FRRS1L: variants seen among roughly 807,000 people sequenced by gnomAD.
FRRS1L encodes ferric chelate reductase 1 like, also known as DOMON domain-containing protein FRRS1L.
In FRRS1L, 22 loss-of-function variants were observed where a neutral mutation model predicts 28.6. The ratio of observed to expected loss-of-function variants is 0.77; its 90% CI spans 0.55 to 1.10. FRRS1L has a LOEUF of 1.10. Among genes scored for constraint, FRRS1L ranks in the 50% least tolerant of loss-of-function variants. The pLI is 0.00. For synonymous variants in FRRS1L, 158 were observed against 151.4 expected, an observed-to-expected ratio of 1.04 and a Z score of -0.32; for missense variants, 380 against 386.9, an observed-to-expected ratio of 0.98 and a Z score of 0.15.
intron 2 of FRRS1L, 31 bp from the exon 3 acceptor site, chr9:109,147,220 C>A (rs771212490): frequency 6.3e-7 from 1 of 1,586,022 alleles, no homozygotes; most frequent in Admixed American, 1.7e-5. Flanking sequence ...GACTTTACTG[C>A]TTCTACTTAC....
In FRRS1L at chr9:109,153,867, C is replaced by T. The variant is rs572347251; in HGVS notation, c.239-4147G>A. ...ATATAAAATAAGTTTGGACCATGTGCCAATATTTAAGCTCTTGTCTCTCAG... is the reference window on the plus strand; with the variant it reads ...ATATAAAATAAGTTTGGACCATGTGTCAATATTTAAGCTCTTGTCTCTCAG... On this transcript the variant is annotated intron_variant, in intron 1 of 4. Coordinates refer to ENST00000561981, the MANE Select transcript of FRRS1L (RefSeq NM_014334.4). 6.8e-4 allele frequency among the ~76,000 whole-genome samples: 104 copies of T among 152,246 alleles called. 3 individuals are homozygous for T. In the South Asian group the frequency reaches 0.021, roughly 31 times the overall value.
intron 1 of FRRS1L, among the ~76,000 whole-genome samples, chr9:109,155,612 G>A (rs893845231): frequency 6.7e-6 from 1 of 150,270 alleles, no homozygotes; most frequent in African/African-American, 2.5e-5. Context: ...GCTGAGACAG[G>A]AGAATTGCTT....
chr9:109,140,922 A>G (rs1831176144), intron 4 of FRRS1L: 1 of 174,404 alleles, frequency 5.7e-6, no homozygotes, highest in Non-Finnish European at 1.3e-5. Context: ...TTGAATTTTA[A>G]TTCTTCTACT....
chr9:109,141,265 C>T, intron 4 of FRRS1L, 78 bp downstream of exon 4: 2 of 1,519,726 alleles, frequency 1.3e-6, no homozygotes, highest in Middle Eastern at 1.7e-4. Flanking sequence ...CTTGTGCACA[C>T]AGTGTGACTT....
intron 3 of FRRS1L, among the ~76,000 whole-genome samples, chr9:109,143,967 A>C (rs1344305455): frequency 6.6e-6 from 1 of 152,168 alleles, no homozygotes; most frequent in Non-Finnish European, 1.5e-5. Context: ...ATGACAGTAG[A>C]TACTTTATAG....
At chr9:109,151,536 T>C (rs982565071) in intron 1 of FRRS1L, 18 of 209,478 alleles carry the variant, frequency 8.6e-5, no homozygotes, top group Non-Finnish European at 1.4e-4. Flanking sequence ...GATCTGCCAC[T>C]GTCTCCCATC....
chr9:109,149,573 A>C, intron 2 of FRRS1L, 63 bp downstream of exon 2: 1 of 1,113,014 alleles, frequency 9.0e-7, no homozygotes, highest in East Asian at 2.4e-5. Context: ...TGCAATTTAA[A>C]TACTACCCTG....
In FRRS1L at chr9:109,131,679, A is replaced by G. The variant is rs1298141967; in HGVS notation, c.*5776T>C. ...TGTATCAAATGTATATCACTTTCAT[A>G]TCATCGTAAGTTTGAAAACTCTTAA... is the stretch of plus-strand genomic sequence containing the variant. On this transcript the variant is annotated 3_prime_UTR_variant, in exon 5 of 5. Coordinates refer to ENST00000561981, the MANE Select transcript of FRRS1L (RefSeq NM_014334.4). 6.6e-6 allele frequency: 1 copy of G among 152,246 alleles called. No individual in the cohort carries two copies. The highest frequency in any genetic ancestry group is 1.5e-5 in the Non-Finnish European group (1 of 68,042). 9.4% of individuals were successfully genotyped at this position (152,246 alleles called of 1,614,324 possible).
At chr9:109,165,579 C>T (rs1443421434) in intron 1 of FRRS1L, among the ~76,000 whole-genome samples, 1 of 152,230 alleles carries the variant, frequency 6.6e-6, no homozygotes, top group Non-Finnish European at 1.5e-5. Flanking sequence ...TAAGCCTCTA[C>T]TTAATACATT....
chr9:109,149,135 C>T (rs955888242), intron 2 of FRRS1L, among the ~76,000 whole-genome samples: 1 of 152,096 alleles, frequency 6.6e-6, no homozygotes, highest in South Asian at 2.1e-4. Flanking sequence ...TAGCCCAGCC[C>T]GTCATGTCGT....
At chr9:109,139,846 A>T (rs1482729635) in intron 4 of FRRS1L, 1 of 152,228 alleles carries the variant, frequency 6.6e-6, no homozygotes, top group African/African-American at 2.4e-5. Flanking sequence ...GTGGAAACGA[A>T]TTGAAGGAAA....
At chr9:109,159,105 G>C (rs1224705803) in intron 1 of FRRS1L, among the ~76,000 whole-genome samples, 2 of 152,150 alleles carry the variant, frequency 1.3e-5, no homozygotes, top group African/African-American at 4.8e-5. Flanking sequence ...TTGGCAATTT[G>C]TATGTCTTCT....
intron 1 of FRRS1L, among the ~76,000 whole-genome samples, chr9:109,166,526 C>T (rs971361893): frequency 5.3e-5 from 8 of 152,094 alleles, no homozygotes; most frequent in Non-Finnish European, 8.8e-5. Context: ...GGCCAGATGG[C>T]GGCCTCCTCC....
At chr9:109,153,732 T>C (rs764045288) in intron 1 of FRRS1L, among the ~76,000 whole-genome samples, 1 of 152,154 alleles carries the variant, frequency 6.6e-6, no homozygotes. Flanking sequence ...GCACTAACTC[T>C]GGGTCATTAG....
At chr9:109,143,245 G>A (rs1564229797) in intron 3 of FRRS1L, among the ~76,000 whole-genome samples, 1 of 152,052 alleles carries the variant, frequency 6.6e-6, no homozygotes, top group Non-Finnish European at 1.5e-5. Context: ...AACCTGAGAG[G>A]TGGAGGCTGC....
At chr9:109,151,262 G>A (rs774862090) in intron 1 of FRRS1L, 1 of 152,188 alleles carries the variant, frequency 6.6e-6, no homozygotes, top group Non-Finnish European at 1.5e-5. Flanking sequence ...AGAGACCAGG[G>A]ATCCCCAATC....
At chr9:109,152,919 T>C (rs923928038) in intron 1 of FRRS1L, among the ~76,000 whole-genome samples, 2 of 151,470 alleles carry the variant, frequency 1.3e-5, no homozygotes, top group African/African-American at 4.9e-5. Flanking sequence ...ACTAGTTTAT[T>C]CATGTTGGCA....
intron 1 of FRRS1L, chr9:109,150,132 T>C (rs912681999): frequency 6.5e-6 from 1 of 153,748 alleles, no homozygotes; most frequent in African/African-American, 2.4e-5. Context: ...ATATACTTGA[T>C]AACAGGATTT....
intron 1 of FRRS1L, among the ~76,000 whole-genome samples, chr9:109,155,326 G>T (rs2118499175): frequency 6.6e-6 from 1 of 152,300 alleles, no homozygotes; most frequent in Middle Eastern, 3.4e-3. Flanking sequence ...ATCCACATAT[G>T]TAAGACTGAA....
Sources: gnomAD v4.1 joint callset for allele counts (sites outside exome capture counted in the v4.1 genomes callset) on GRCh38, gnomAD v4.1.1 for gene constraint, MANE v1.5 for transcripts, NCBI Gene and HGNC (gene_info 2026-07-23, HGNC 2026-07-21) for gene names.